RTN1: variants seen among roughly 807,000 people sequenced by gnomAD.
RTN1 encodes reticulon-1.
RTN1 carries 25 observed loss-of-function variants against 65.5 expected under a neutral mutation model. That is an observed-to-expected ratio of 0.38 (90% CI 0.28 to 0.53). RTN1 has a LOEUF of 0.53. Among genes scored for constraint, RTN1 ranks in the 20% least tolerant of loss-of-function variants. The pLI, the probability that RTN1 is intolerant of heterozygous loss-of-function variation, is 0.79. For synonymous variants in RTN1, 471 were observed against 447.6 expected (o/e 1.05, Z -0.66); for missense variants, 983 against 1,025.4 (o/e 0.96, Z 0.57).
chr14:59,830,974 T>G (rs1427358698), intron 1 of RTN1, among the ~76,000 whole-genome samples: 1 of 152,228 alleles, frequency 6.6e-6, no homozygotes, highest in African/African-American at 2.4e-5. Context: ...GATGTAAGTA[T>G]GTTTTAGATC....
intron 3 of RTN1, among the ~76,000 whole-genome samples, chr14:59,640,595 G>A (rs373979757): frequency 5.9e-5 from 9 of 152,106 alleles, no homozygotes; most frequent in African/African-American, 1.2e-4. Context: ...GATTACAGGC[G>A]TGAGCCACCG....
intron 3 of RTN1, among the ~76,000 whole-genome samples, chr14:59,671,298 C>A (rs1483769964): frequency 6.6e-6 from 1 of 152,154 alleles, no homozygotes; most frequent in Non-Finnish European, 1.5e-5. Flanking sequence ...TTATTTTAAA[C>A]CCCTATTAGC....
intron 3 of RTN1, among the ~76,000 whole-genome samples, chr14:59,682,809 C>A (rs2140222857): frequency 6.6e-6 from 1 of 152,270 alleles, no homozygotes; most frequent in South Asian, 2.1e-4. Context: ...AGTGACTAAT[C>A]ATAGGGAATA....
chr14:59,813,693 T>C (rs1013760079), intron 1 of RTN1, among the ~76,000 whole-genome samples: 2 of 152,226 alleles, frequency 1.3e-5, no homozygotes, highest in African/African-American at 4.8e-5. Flanking sequence ...ATTGCTCTAT[T>C]TTCCTCAGTA....
intron 1 of RTN1, among the ~76,000 whole-genome samples, chr14:59,767,307 C>T (rs1885868291): frequency 6.6e-6 from 1 of 152,200 alleles, no homozygotes; most frequent in Non-Finnish European, 1.5e-5. Flanking sequence ...TCTTTCTTTA[C>T]CCTCCCCATG....
intron 3 of RTN1, among the ~76,000 whole-genome samples, chr14:59,695,591 T>C (rs956989317): frequency 6.6e-6 from 1 of 152,140 alleles, no homozygotes; most frequent in Non-Finnish European, 1.5e-5. Flanking sequence ...CAAACCCTGA[T>C]GTATTGTACA....
At chr14:59,634,493 A>G (rs1882622586) in intron 3 of RTN1, among the ~76,000 whole-genome samples, 1 of 152,180 alleles carries the variant, frequency 6.6e-6, no homozygotes, top group African/African-American at 2.4e-5. Context: ...AGCACATGTT[A>G]TTTGCCAGGT....
At chr14:59,692,101 G>T (rs540183751) in intron 3 of RTN1, among the ~76,000 whole-genome samples, 3 of 152,044 alleles carry the variant, frequency 2.0e-5, no homozygotes, top group Non-Finnish European at 4.4e-5. Context: ...ACAAAAGAAA[G>T]AAATAAAAGA....
At chr14:59,749,843 T>TTA (rs1170700207) in intron 1 of RTN1, among the ~76,000 whole-genome samples, 5 of 112,396 alleles carry the variant, frequency 4.4e-5, no homozygotes, top group South Asian at 2.4e-4. Flanking sequence ...ATATGTATAT[T>TTA]TATATATATA....
Position 59,870,719 on chromosome 14 carries a change from G to T in RTN1, c.-89C>A. On this transcript the variant is annotated 5_prime_UTR_variant, in exon 1 of 9. Transcript: ENST00000267484. The surrounding 1 kb of genome is among the most constrained non-coding windows in gnomAD (Gnocchi z 5.1). ...GCGCTCCCTGCTGCTGTCCCCGGAGGGACTCGGCGCTCAGGGAAGCTGCGG... is the reference window on the plus strand; with the variant it reads ...GCGCTCCCTGCTGCTGTCCCCGGAGTGACTCGGCGCTCAGGGAAGCTGCGG... The T allele has an allele frequency of 1.6e-6, 2 of 1,253,534 alleles. No homozygotes were observed. Among genetic ancestry groups the T allele is most frequent in the Non-Finnish European group, 2.0e-6 (2 of 998,036 alleles). The allele number at this position is 1,253,534 out of a possible 1,614,324, so 77.7% of individuals were successfully genotyped here.
chr14:59,609,117 T>C (rs1881862458), intron 3 of RTN1, among the ~76,000 whole-genome samples: 1 of 151,800 alleles, frequency 6.6e-6, no homozygotes, highest in South Asian at 2.1e-4. Flanking sequence ...AAACCCCGTC[T>C]CTACTAAAAA....
At chr14:59,604,142 C>CTG in intron 5 of RTN1, 1 of 299,586 alleles carries the variant, frequency 3.3e-6, no homozygotes, top group South Asian at 7.2e-5. Context: ...GTTTGAGGGA[C>CTG]TCAAGGAAAT....
At chr14:59,855,180 G>A (rs754817947) in intron 1 of RTN1, among the ~76,000 whole-genome samples, 26 of 152,254 alleles carry the variant, frequency 1.7e-4, no homozygotes, top group African/African-American at 4.1e-4. Context: ...GGAACATGTC[G>A]TCTAAACATT....
intron 1 of RTN1, among the ~76,000 whole-genome samples, chr14:59,776,492 T>C (rs1886052579): frequency 6.6e-6 from 1 of 152,036 alleles, no homozygotes; most frequent in African/African-American, 2.4e-5. Flanking sequence ...CTATAGAAAA[T>C]AAATTTTTCT....
intron 1 of RTN1, among the ~76,000 whole-genome samples, chr14:59,768,358 A>G (rs1415858105): frequency 6.6e-6 from 1 of 152,238 alleles, no homozygotes; most frequent in African/African-American, 2.4e-5. Context: ...GGAATTTGTT[A>G]TCTTTTAAGA....
At chr14:59,681,833 C>T (rs939548242) in intron 3 of RTN1, among the ~76,000 whole-genome samples, 1 of 152,100 alleles carries the variant, frequency 6.6e-6, no homozygotes, top group African/African-American at 2.4e-5. Context: ...TCACTGTTCC[C>T]TTCCCCTACC....
intron 3 of RTN1, among the ~76,000 whole-genome samples, chr14:59,719,721 C>T (rs1884608268): frequency 6.6e-6 from 1 of 152,130 alleles, no homozygotes; most frequent in Non-Finnish European, 1.5e-5. Flanking sequence ...GAGGATCCCA[C>T]CCAGACTTCA....
At chr14:59,629,238 C>T (rs1465461757) in intron 3 of RTN1, among the ~76,000 whole-genome samples, 1 of 152,162 alleles carries the variant, frequency 6.6e-6, no homozygotes, top group East Asian at 1.9e-4. Flanking sequence ...TTGAAGTAGA[C>T]GACTGTATTT....
intron 1 of RTN1, among the ~76,000 whole-genome samples, chr14:59,823,525 C>T (rs1886979563): frequency 6.6e-6 from 1 of 152,068 alleles, no homozygotes; most frequent in South Asian, 2.1e-4. Flanking sequence ...TTCTATTTCA[C>T]TTATGAAGCT....
Sources: gnomAD v4.1 joint callset for allele counts (sites outside exome capture counted in the v4.1 genomes callset) on GRCh38, gnomAD v4.1.1 for gene constraint, Gnocchi (gnomAD v3.1) non-coding constraint, MANE v1.5 for transcripts, NCBI Gene and HGNC (gene_info 2026-07-23, HGNC 2026-07-21) for gene names.